ADD3: variants seen among roughly 807,000 people sequenced by gnomAD.
ADD3 encodes gamma-adducin.
A neutral mutation model predicts 80.2 loss-of-function variants in ADD3; 25 were observed. That is an observed-to-expected ratio of 0.31 (90% CI 0.23 to 0.44). ADD3 has a LOEUF of 0.44. ADD3 is among the 20% of genes least tolerant of loss of function. The pLI, the probability that ADD3 is intolerant of heterozygous loss-of-function variation, is 1.00. For missense variants in ADD3, 829 were observed against 847.5 expected (o/e 0.98, Z 0.27); for synonymous variants, 284 against 289.6 (o/e 0.98, Z 0.20).
At chr10:110,127,345 G>A (rs150731013) in intron 12 of ADD3, among the ~76,000 whole-genome samples, 1 of 152,168 alleles carries the variant, frequency 6.6e-6, no homozygotes, top group African/African-American at 2.4e-5. Context: ...CCGGCTGGGT[G>A]CAGTGGCTCA....
At chr10:110,127,423 C>G (rs1484848904) in intron 12 of ADD3, among the ~76,000 whole-genome samples, 1 of 152,184 alleles carries the variant, frequency 6.6e-6, no homozygotes, top group East Asian at 1.9e-4. Context: ...TCAAGACCAT[C>G]CTGGCCAACA....
intron 3 of ADD3, among the ~76,000 whole-genome samples, chr10:110,114,292 T>C (rs771978607): frequency 6.6e-6 from 1 of 152,264 alleles, no homozygotes; most frequent in Non-Finnish European, 1.5e-5. Context: ...TCAGAAATTA[T>C]GCTATTTTTT....
intron 1 of ADD3, among the ~76,000 whole-genome samples, chr10:110,024,841 A>G (rs945063568): frequency 4.6e-5 from 7 of 152,286 alleles, no homozygotes; most frequent in Admixed American, 1.3e-4. Flanking sequence ...AGTAAGAAAT[A>G]TAAGGACATG....
intron 12 of ADD3, among the ~76,000 whole-genome samples, chr10:110,128,723 TTTATTTTTAATAAG>T (rs1284278347): frequency 1.3e-5 from 2 of 152,204 alleles, no homozygotes; most frequent in African/African-American, 4.8e-5. Context: ...AGCCAACTTT[TTTATTTTTAATAAG>T]AGTTCTTATT....
intron 2 of ADD3, among the ~76,000 whole-genome samples, chr10:110,108,830 G>C (rs2134016551): frequency 6.6e-6 from 1 of 152,240 alleles, no homozygotes; most frequent in East Asian, 1.9e-4. Flanking sequence ...TTGAAGCACT[G>C]TGAACTGTAA....
chr10:110,098,623 A>G (rs563231800), intron 1 of ADD3, among the ~76,000 whole-genome samples: 57 of 152,136 alleles, frequency 3.7e-4, no homozygotes, highest in Non-Finnish European at 5.6e-4. Context: ...AACTATTTTC[A>G]TGAATACAGA....
intron 1 of ADD3, among the ~76,000 whole-genome samples, chr10:110,077,663 C>T (rs1359148827): frequency 1.3e-5 from 2 of 152,162 alleles, no homozygotes; most frequent in East Asian, 3.8e-4. Context: ...TGTTCCATGC[C>T]TCATCAGTTC....
intron 1 of ADD3, among the ~76,000 whole-genome samples, chr10:110,097,712 G>A (rs965692465): frequency 2.0e-5 from 3 of 151,510 alleles, no homozygotes; most frequent in Admixed American, 6.6e-5. Flanking sequence ...TAATTGTCAC[G>A]TCTTAGTCTC....
At chr10:110,123,046 T>C (rs2134161512) in intron 9 of ADD3, among the ~76,000 whole-genome samples, 2 of 152,348 alleles carry the variant, frequency 1.3e-5, no homozygotes, top group African/African-American at 4.8e-5. Flanking sequence ...TTGTCACATT[T>C]GACAGAATTT....
intron 1 of ADD3, among the ~76,000 whole-genome samples, chr10:110,036,359 A>G (rs1855642627): frequency 2.0e-5 from 3 of 147,510 alleles, no homozygotes; most frequent in South Asian, 4.3e-4. Flanking sequence ...ATCCCCTTAC[A>G]TAGTTTAGAA....
chr10:110,131,758 G>A (rs139296558), intron 13 of ADD3, among the ~76,000 whole-genome samples: 32 of 152,170 alleles, frequency 2.1e-4, no homozygotes, highest in African/African-American at 7.7e-4. Flanking sequence ...TTAATCTCTT[G>A]TTTTTTGAAA....
chr10:110,042,005 G>T (rs1199120995), intron 1 of ADD3, among the ~76,000 whole-genome samples: 1 of 152,114 alleles, frequency 6.6e-6, no homozygotes, highest in South Asian at 2.1e-4. Context: ...CTTGGGATCC[G>T]TGACCCTGTA....
At chr10:110,048,801 A>G (rs1032678082) in intron 1 of ADD3, among the ~76,000 whole-genome samples, 1 of 152,228 alleles carries the variant, frequency 6.6e-6, no homozygotes, top group Non-Finnish European at 1.5e-5. Context: ...TTGCAGCCTG[A>G]TGATGTGATA....
chr10:110,075,880 A>G (rs566862705), intron 1 of ADD3, among the ~76,000 whole-genome samples: 14 of 152,324 alleles, frequency 9.2e-5, no homozygotes, highest in Non-Finnish European at 1.9e-4. Flanking sequence ...TCATAATCCA[A>G]CAAAGGCAAG....
Position 110,097,035 on chromosome 10 carries a change from G to T in ADD3, c.-29-3590G>T, listed in dbSNP as rs761097544. Among the ~76,000 whole-genome samples the T allele has an allele frequency of 2.1e-4, 32 of 152,278 alleles. No individual in the cohort carries two copies. The Middle Eastern group carries it at 0.01, about 49-fold the overall frequency. On this transcript the variant is annotated intron_variant, in intron 1 of 14. Transcript: ENST00000356080. ...CATAGGGGTATTTTTCTCAGTCTGTGAACACTTTGGGTTAATTTGATAATG... is the reference window on the plus strand; with the variant it reads ...CATAGGGGTATTTTTCTCAGTCTGTTAACACTTTGGGTTAATTTGATAATG...
chr10:110,035,367 G>T (rs913106864), intron 1 of ADD3, among the ~76,000 whole-genome samples: 2 of 152,086 alleles, frequency 1.3e-5, no homozygotes, highest in Non-Finnish European at 2.9e-5. Context: ...GAAATTACAG[G>T]TAAAGGGAAT....
chr10:110,082,752 T>G (rs1210385110), intron 1 of ADD3, among the ~76,000 whole-genome samples: 2 of 152,230 alleles, frequency 1.3e-5, no homozygotes, highest in African/African-American at 4.8e-5. Context: ...TTGCTCTTTT[T>G]ATGTATGTAT....
chr10:110,078,577 G>A (rs751241946), intron 1 of ADD3, among the ~76,000 whole-genome samples: 42 of 152,234 alleles, frequency 2.8e-4, no homozygotes, highest in Admixed American at 1.1e-3. Context: ...AAGTGTTTTC[G>A]TGGACCTGGC....
chr10:110,032,792 A>T (rs1193545416), intron 1 of ADD3, among the ~76,000 whole-genome samples: 2 of 152,226 alleles, frequency 1.3e-5, no homozygotes, highest in African/African-American at 4.8e-5. Flanking sequence ...GTGCGTGCTC[A>T]TATGCTGTAT....
Sources: gnomAD v4.1 joint callset for allele counts (sites outside exome capture counted in the v4.1 genomes callset) on GRCh38, gnomAD v4.1.1 for gene constraint, MANE v1.5 for transcripts, NCBI Gene and HGNC (gene_info 2026-07-23, HGNC 2026-07-21) for gene names.